Variants in WDFY2 observed in about 807,000 individuals in gnomAD.
The protein encoded by WDFY2 is WD repeat and FYVE domain-containing protein 2.
A neutral mutation model predicts 56.4 loss-of-function variants in WDFY2; 36 were observed. The observed-to-expected ratio is 0.64, with a 90% CI of 0.49 to 0.84. The LOEUF (loss-of-function observed/expected upper bound fraction) is 0.84, where lower values mean the gene tolerates loss of function less well. WDFY2 is among the 40% of genes least tolerant of loss of function. The pLI is 0.00. For synonymous variants in WDFY2, 176 were observed against 183.7 expected, an observed-to-expected ratio of 0.96 and a Z score of 0.34; for missense variants, 444 against 512.2, an observed-to-expected ratio of 0.87 and a Z score of 1.29.
chr13:51,628,023 TGG>T (rs1304465851), intron 1 of WDFY2, among the ~76,000 whole-genome samples: 1 of 152,198 alleles, frequency 6.6e-6, no homozygotes, highest in Admixed American at 6.5e-5. Flanking sequence ...GTTCTCGTTT[TGG>T]GCCCCAGACT....
chr13:51,584,906 A>T, intron 1 of WDFY2, 82 bp downstream of exon 1: 1 of 1,563,854 alleles, frequency 6.4e-7, no homozygotes, highest in South Asian at 1.2e-5. Context: ...CTGTGCCTTC[A>T]CGTCGGCGCG....
At chr13:51,602,175 TCAA>T (rs1485802394) in intron 1 of WDFY2, among the ~76,000 whole-genome samples, 2 of 152,252 alleles carry the variant, frequency 1.3e-5, no homozygotes, top group East Asian at 1.9e-4. Flanking sequence ...AACATTTCTA[TCAA>T]CAACAGACTG....
intron 3 of WDFY2, among the ~76,000 whole-genome samples, chr13:51,697,275 A>G (rs1197608080): frequency 6.6e-6 from 1 of 152,196 alleles, no homozygotes; most frequent in Admixed American, 6.5e-5. Flanking sequence ...ATAATCATAA[A>G]TATACACAAA....
chr13:51,627,630 C>A (rs753951759), intron 1 of WDFY2, among the ~76,000 whole-genome samples: 1 of 152,090 alleles, frequency 6.6e-6, no homozygotes, highest in African/African-American at 2.4e-5. Flanking sequence ...GTGGTCCGCC[C>A]GCTTTGGCCT....
At chr13:51,701,178 T>C (rs776741963) in intron 3 of WDFY2, among the ~76,000 whole-genome samples, 1 of 152,214 alleles carries the variant, frequency 6.6e-6, no homozygotes, top group Non-Finnish European at 1.5e-5. Flanking sequence ...TTTTTAGTGT[T>C]TATTTTTCTT....
intron 4 of WDFY2, among the ~76,000 whole-genome samples, chr13:51,709,143 AAC>A (rs1000583761): frequency 3.5e-4 from 54 of 152,350 alleles, no homozygotes; most frequent in African/African-American, 1.2e-3. Flanking sequence ...ACTTGAACAA[AAC>A]AGTCAACAAA....
At chr13:51,739,221 A>G in intron 7 of WDFY2, 46 bp downstream of exon 7, 1 of 1,534,570 alleles carries the variant, frequency 6.5e-7, no homozygotes. Context: ...AAAGATTCTC[A>G]GCTGACAGCT....
chr13:51,741,324 TAA>T (rs1952968300), intron 7 of WDFY2, among the ~76,000 whole-genome samples: 1 of 152,196 alleles, frequency 6.6e-6, no homozygotes, highest in African/African-American at 2.4e-5. Flanking sequence ...TAGTAATACA[TAA>T]AGTGAGCTCT....
intron 1 of WDFY2, among the ~76,000 whole-genome samples, chr13:51,622,830 G>T (rs373066778): frequency 1.3e-5 from 2 of 150,014 alleles, no homozygotes; most frequent in South Asian, 4.3e-4. Flanking sequence ...ACCTTTAAAA[G>T]TGAAGGTATG....
intron 7 of WDFY2, among the ~76,000 whole-genome samples, chr13:51,743,498 A>G (rs567163832): frequency 6.6e-6 from 1 of 152,378 alleles, no homozygotes; most frequent in South Asian, 2.1e-4. Context: ...CAGGCCTGTT[A>G]AATGGCGGTT....
intron 3 of WDFY2, among the ~76,000 whole-genome samples, chr13:51,683,762 C>G (rs1362150897): frequency 6.6e-6 from 1 of 152,160 alleles, no homozygotes; most frequent in Non-Finnish European, 1.5e-5. Flanking sequence ...AGCCTTCCCC[C>G]TTGCTGGCTA....
At chr13:51,747,362 C>G (rs1953127232) in intron 7 of WDFY2, among the ~76,000 whole-genome samples, 1 of 152,174 alleles carries the variant, frequency 6.6e-6, no homozygotes, top group Non-Finnish European at 1.5e-5. Flanking sequence ...CAGGAAATCT[C>G]CACAGTCTTC....
rs1478015190 is a variant in WDFY2, at chr13:51,627,362, C to A, written c.138-33234C>A. ...TTTCAGGACCTCCATTTGACGGGTC[C>A]GTAGTCCTTTTGTTTTCTTTTTTTT... On this transcript the variant is annotated intron_variant, in intron 1 of 11. Coordinates refer to ENST00000298125, the MANE Select transcript of WDFY2 (RefSeq NM_052950.4). 2.0e-5 allele frequency among the ~76,000 whole-genome samples: 3 copies of A among 152,040 alleles called. No individual in the cohort carries two copies. In the South Asian group the frequency reaches 6.2e-4, roughly 32 times the overall value.
chr13:51,756,209 C>T (rs977373222), intron 9 of WDFY2, 123 bp from the exon 10 acceptor site: 5 of 1,409,084 alleles, frequency 3.5e-6, no homozygotes, highest in Non-Finnish European at 4.8e-6. Flanking sequence ...TTCTGGGGCT[C>T]TCTTGTTCAG....
rs537072756 is a variant in WDFY2, at chr13:51,670,375, G to A, written c.206-4795G>A. On this transcript the variant is annotated intron_variant, in intron 2 of 11. Coordinates refer to ENST00000298125, the MANE Select transcript of WDFY2 (RefSeq NM_052950.4). Reference sequence around the variant, plus strand: ...CGAGGCATCAATATTCTTTTGAATCGGCTCTCTGCTTCTTTGATCTACCAG... The same window carrying A: ...CGAGGCATCAATATTCTTTTGAATCAGCTCTCTGCTTCTTTGATCTACCAG... 3.9e-5 allele frequency among the ~76,000 whole-genome samples: 6 copies of A among 152,016 alleles called. No individual in the cohort carries two copies. The South Asian group carries it at 1.0e-3, about 26-fold the overall frequency.
intron 1 of WDFY2, among the ~76,000 whole-genome samples, chr13:51,646,584 A>G (rs925714376): frequency 1.3e-5 from 2 of 152,230 alleles, no homozygotes; most frequent in Non-Finnish European, 2.9e-5. Context: ...TGTGTTTCAC[A>G]TACCAGTACC....
intron 1 of WDFY2, among the ~76,000 whole-genome samples, chr13:51,629,657 T>G (rs1954912305): frequency 6.6e-6 from 1 of 152,168 alleles, no homozygotes; most frequent in African/African-American, 2.4e-5. Flanking sequence ...GTGTGTGTCA[T>G]GGAGAATTTA....
intron 1 of WDFY2, among the ~76,000 whole-genome samples, chr13:51,633,305 A>T (rs1954988307): frequency 6.6e-6 from 1 of 152,180 alleles, no homozygotes; most frequent in African/African-American, 2.4e-5. Context: ...TGTGTAGTGG[A>T]GTGATTAAGA....
intron 10 of WDFY2, among the ~76,000 whole-genome samples, chr13:51,757,293 A>C (rs1953417038): frequency 6.6e-6 from 1 of 152,194 alleles, no homozygotes; most frequent in Non-Finnish European, 1.5e-5. Flanking sequence ...TAGAGAGTGC[A>C]AGAGACCTTA....
Sources: gnomAD v4.1 joint callset for allele counts (sites outside exome capture counted in the v4.1 genomes callset) on GRCh38, gnomAD v4.1.1 for gene constraint, MANE v1.5 for transcripts, NCBI Gene and HGNC (gene_info 2026-07-23, HGNC 2026-07-21) for gene names.